COLGALT1: variants seen among roughly 807,000 people sequenced by gnomAD.
COLGALT1 encodes collagen beta(1-O)galactosyltransferase 1.
Under a neutral mutation model 60.8 loss-of-function variants are expected in COLGALT1, and 43 were observed. That is an observed-to-expected ratio of 0.71 (90% CI 0.55 to 0.91). The LOEUF (loss-of-function observed/expected upper bound fraction) is 0.91. Ranked by LOEUF, COLGALT1 falls within the 40% of genes least tolerant of loss-of-function variation. The pLI is 0.00. For synonymous variants in COLGALT1, 369 were observed against 374.2 expected (o/e 0.99, Z 0.16); for missense variants, 845 against 880.0 (o/e 0.96, Z 0.50).
intron 4 of COLGALT1, 137 bp from the exon 5 acceptor site, chr19:17,568,372 T>A (rs2076291312): frequency 1.4e-6 from 1 of 731,324 alleles, no homozygotes; most frequent in Non-Finnish European, 2.4e-6. Flanking sequence ...TGGGCTTGAG[T>A]CTGGGGTCCT....
chr19:17,581,276 TGTGA>T lies in COLGALT1; in HGVS notation c.1706_1709del (p.Ser569ThrfsTer31). On this transcript the variant is annotated frameshift_variant, in exon 12 of 12. Transcript: ENST00000252599. LOFTEE classifies it low-confidence loss of function (END_TRUNC). Reference sequence around the variant, plus strand: ...CACACTACACAGGAGACGATGGCTATGTGAGTGACACCGAGACCTCAGTCGTATG... The same window carrying T: ...CACACTACACAGGAGACGATGGCTATGTGACACCGAGACCTCAGTCGTATG... 1 of 1,612,346 alleles carries T rather than the reference TGTGA, an allele frequency of 6.2e-7. No individual in the cohort carries two copies. The highest frequency in any genetic ancestry group is 1.1e-5 in the South Asian group (1 of 91,022).
At chr19:17,566,987 C>T (rs900889238) in intron 3 of COLGALT1, among the ~76,000 whole-genome samples, 8 of 151,938 alleles carry the variant, frequency 5.3e-5, no homozygotes, top group Non-Finnish European at 1.2e-4. Flanking sequence ...TGATGGTGCA[C>T]GGCTGTAGTC....
At chr19:17,569,807 A>G (rs2076301204) in intron 5 of COLGALT1, among the ~76,000 whole-genome samples, 1 of 152,076 alleles carries the variant, frequency 6.6e-6, no homozygotes, top group Non-Finnish European at 1.5e-5. Flanking sequence ...TTAAAGAGAC[A>G]GCACAGCCTC....
chr19:17,579,438 C>CTGGCCT (rs771773083), intron 9 of COLGALT1, 44 bp from the exon 10 acceptor site: 1 of 1,613,744 alleles, frequency 6.2e-7, no homozygotes, highest in South Asian at 1.1e-5. Flanking sequence ...AGGGTCAGGC[C>CTGGCCT]TGGCCTTGGC....
chr19:17,577,954 C>T lies in COLGALT1; in HGVS notation c.1134-3C>T, dbSNP rs868821711. ...TTCGTGACCCTCTCCTCCTCCTCTC[C>T]AGAGCCATGAACACCAGCCAGGTGG... On this transcript the variant is annotated splice_polypyrimidine_tract_variant and splice_region_variant and intron_variant, in intron 8 of 11. Coordinates refer to ENST00000252599, the MANE Select transcript of COLGALT1 (RefSeq NM_024656.4). 5 of 1,607,282 alleles carry T rather than the reference C, an allele frequency of 3.1e-6. No individual in the cohort carries two copies. The highest frequency in any genetic ancestry group is 2.7e-5 in the African/African-American group (2 of 74,804).
chr19:17,581,601 C>T lies in COLGALT1; in HGVS notation c.*157C>T, dbSNP rs2076383397. ...CTCTTGCTAAGCAATCACGTGCACA[C>T]AGGCAGCATTAATGGAGTGCCTACT... On this transcript the variant is annotated 3_prime_UTR_variant, in exon 12 of 12. Transcript: ENST00000252599. 2 of 984,000 alleles carry T rather than the reference C, an allele frequency of 2.0e-6. No individual in the cohort carries two copies. The highest frequency in any genetic ancestry group is 5.7e-5 in the Admixed American group (2 of 35,046). 61.0% of individuals were successfully genotyped at this position (984,000 alleles called of 1,614,324 possible).
chr19:17,559,228 G>C, intron 1 of COLGALT1, 83 bp from the exon 2 acceptor site: 2 of 918,156 alleles, frequency 2.2e-6, no homozygotes, highest in Non-Finnish European at 3.5e-6. Flanking sequence ...GCCAGTTGGG[G>C]ATGGTGGTCC....
In COLGALT1 at chr19:17,577,420, G is replaced by T; in HGVS notation, c.1086G>T (p.Leu362=). 1 of 1,549,190 alleles carries T rather than the reference G, an allele frequency of 6.5e-7. No homozygotes were observed. Among genetic ancestry groups the T allele is most frequent in the Non-Finnish European group, 8.7e-7 (1 of 1,153,406 alleles). ...GGCGGGAGCGCATGCTGCGGGCGCT[G>T]CAGGCACAGGAGATCGAGTGCCGGC... ...QDRRERMLRA[L]QAQEIECRLV... Residue 362 remains leucine (L), a synonymous_variant, in exon 8 of 12, where the codon CTG becomes CTT. Coordinates refer to ENST00000252599, the MANE Select transcript of COLGALT1 (RefSeq NM_024656.4).
chr19:17,579,900 C>T (rs1256563953), intron 10 of COLGALT1: 3 of 406,610 alleles, frequency 7.4e-6, no homozygotes, highest in Admixed American at 6.9e-5. Flanking sequence ...CCCTTGGAAG[C>T]GTAGCAGGAG....
rs754214674 is a variant in COLGALT1 at position 17,579,491 on chromosome 19, C to T, written c.1276C>T (p.Arg426Trp). 4.4e-5 allele frequency: 71 copies of T among 1,613,902 alleles called. No individual in the cohort carries two copies. The highest frequency in any genetic ancestry group is 5.5e-5 in the Non-Finnish European group (65 of 1,179,988). The part of the protein sequence containing the change: ...HYNIWKEVVD[R>W]GLQKSLVFED... Reference sequence around the variant, plus strand: ...GGGCTTCCTCCCTCAGGTGGTGGACCGGGGGCTGCAGAAATCGCTTGTGTT... The same window carrying T: ...GGGCTTCCTCCCTCAGGTGGTGGACTGGGGGCTGCAGAAATCGCTTGTGTT... The change falls in exon 10 of 12, where the codon CGG becomes TGG. Residue 426 changes from arginine (R) to tryptophan (W), a missense_variant. By Grantham distance (101) the Arg-to-Trp change is moderately radical. Coordinates refer to ENST00000252599, the MANE Select transcript of COLGALT1 (RefSeq NM_024656.4).
At chr19:17,578,134 C>T (rs1284289332) in intron 9 of COLGALT1, 45 bp downstream of exon 9, 14 of 1,518,000 alleles carry the variant, frequency 9.2e-6, no homozygotes, top group South Asian at 1.3e-5. Flanking sequence ...GACTCTAGAT[C>T]TCATCGGAGA....
rs1032421349 is a variant in COLGALT1, at chr19:17,577,443, G to C, written c.1109G>C (p.Arg370Pro). The C allele has an allele frequency of 6.7e-7, 1 of 1,500,582 alleles. No homozygotes were observed. Among genetic ancestry groups the C allele is most frequent in the Admixed American group, 2.3e-5 (1 of 43,532 alleles). 93.0% of individuals were successfully genotyped at this position (1,500,582 alleles called of 1,614,324 possible). Residue 370 changes from arginine (R) to proline (P), a missense_variant, in exon 8 of 12, where the codon CGG (arginine) becomes CCG (proline). Physicochemically the swap from Arg to Pro is moderately radical, Grantham distance 103. Coordinates refer to ENST00000252599, the MANE Select transcript of COLGALT1 (RefSeq NM_024656.4). ...RALQAQEIEC[R>P]LVEAVDGKAM... The stretch of plus-strand genomic sequence containing the variant: ...CTGCAGGCACAGGAGATCGAGTGCC[G>C]GCTGGTGGAGGCCGTGGACGGCAAG...
At chr19:17,558,239 T>A (rs2076225477) in intron 1 of COLGALT1, among the ~76,000 whole-genome samples, 2 of 150,612 alleles carry the variant, frequency 1.3e-5, no homozygotes, top group Admixed American at 1.3e-4. Context: ...ATGCCCGGCC[T>A]AATTTTTGTA....
In COLGALT1 at chr19:17,577,406, A is replaced by T; in HGVS notation, c.1072A>T (p.Met358Leu). The T allele has an allele frequency of 6.5e-7, 1 of 1,534,598 alleles. No homozygotes were observed. Among genetic ancestry groups the T allele is most frequent in the African/African-American group, 1.4e-5 (1 of 71,904 alleles). Residue 358 changes from methionine to leucine, a missense_variant, in exon 8 of 12, where the codon ATG becomes TTG. Coordinates refer to ENST00000252599, the MANE Select transcript of COLGALT1 (RefSeq NM_024656.4). ...LRRRQDRRER[M>L]LRALQAQEIE... ...GCGGCGGCAGGACCGGCGGGAGCGC[A>T]TGCTGCGGGCGCTGCAGGCACAGGA...
rs1189378581 is a variant in COLGALT1 at position 17,570,652 on chromosome 19, A to G, written c.830-1831A>G. The stretch of plus-strand genomic sequence containing the variant: ...ATGATCTCAGCTCACTGCAACCTCC[A>G]CCTCCCAGGTTCAATTGATTCTCCT... On this transcript the variant is annotated intron_variant, in intron 5 of 11. Coordinates refer to ENST00000252599, the MANE Select transcript of COLGALT1 (RefSeq NM_024656.4). 2.0e-5 allele frequency among the ~76,000 whole-genome samples: 3 copies of G among 151,780 alleles called. No individual in the cohort carries two copies. The South Asian group carries it at 6.2e-4, about 32-fold the overall frequency.
intron 1 of COLGALT1, among the ~76,000 whole-genome samples, chr19:17,557,607 A>G (rs530913062): frequency 1.5e-4 from 22 of 144,966 alleles, no homozygotes; most frequent in Non-Finnish European, 3.1e-4. Context: ...GCTGAGATAT[A>G]CTTTTTTTTT....
chr19:17,581,468 G>T lies in COLGALT1; in HGVS notation c.*24G>T. The T allele has an allele frequency of 6.3e-7, 1 of 1,594,666 alleles. No homozygotes were observed. On this transcript the variant is annotated 3_prime_UTR_variant, in exon 12 of 12. Transcript: ENST00000252599. ...GAGGGGTAGCAGCCAGAAAGCCAAA[G>T]CAGCCATCGGTGGCCCAGGCTCCAC...
chr19:17,579,061 G>A (rs1448231591), intron 9 of COLGALT1, among the ~76,000 whole-genome samples: 2 of 151,888 alleles, frequency 1.3e-5, no homozygotes, highest in Non-Finnish European at 2.9e-5. Flanking sequence ...TGTAATCCCA[G>A]CTGCTCAGGA....
chr19:17,565,736 G>A (rs2076276408), intron 3 of COLGALT1, among the ~76,000 whole-genome samples: 1 of 152,166 alleles, frequency 6.6e-6, no homozygotes, highest in African/African-American at 2.4e-5. Flanking sequence ...TTCATACCTA[G>A]GAATGGAATT....
Sources: allele counts gnomAD v4.1 joint callset (sites outside exome capture counted in the v4.1 genomes callset), GRCh38; gene constraint gnomAD v4.1.1; transcripts MANE v1.5; gene names NCBI Gene and HGNC (gene_info 2026-07-23, HGNC 2026-07-21).